Variants in NUP133 observed in about 807,000 individuals in gnomAD.
NUP133 encodes nucleoporin 133.
NUP133 carries 66 observed loss-of-function variants against 146.2 expected under a neutral mutation model. The observed-to-expected ratio is 0.45, with a 90% confidence interval of 0.37 to 0.55. NUP133 has a LOEUF of 0.55. NUP133 is among the 20% of genes least tolerant of loss of function. The pLI, the probability that NUP133 is intolerant of heterozygous loss-of-function variation, is 0.00. For missense variants in NUP133, 1,277 were observed against 1,374.8 expected (o/e 0.93, Z 1.12); for synonymous variants, 521 against 498.8 (o/e 1.04, Z -0.59).
chr1:229,466,177 C>A (rs1160211335), intron 16 of NUP133, among the ~76,000 whole-genome samples: 17 of 152,042 alleles, frequency 1.1e-4, no homozygotes, highest in Middle Eastern at 6.8e-3. Flanking sequence ...GTTACATTAA[C>A]AATACGTTTG....
At chr1:229,445,370 T>G (rs1238966835) in intron 24 of NUP133, among the ~76,000 whole-genome samples, 5 of 152,212 alleles carry the variant, frequency 3.3e-5, no homozygotes, top group African/African-American at 1.2e-4. Flanking sequence ...ATATTCAGTA[T>G]GGACCCCAAA....
intron 20 of NUP133, among the ~76,000 whole-genome samples, chr1:229,458,889 TTTA>T (rs1406834137): frequency 1.3e-5 from 2 of 152,096 alleles, no homozygotes; most frequent in Non-Finnish European, 2.9e-5. Flanking sequence ...ACTACATATT[TTTA>T]TTGAGATATT....
At chr1:229,478,689 G>A (rs984164547) in intron 12 of NUP133, among the ~76,000 whole-genome samples, 13 of 152,158 alleles carry the variant, frequency 8.5e-5, no homozygotes, top group Non-Finnish European at 1.5e-4. Flanking sequence ...CCCACCAGGG[G>A]ATTAACTATG....
At chr1:229,465,770 G>A (rs1439941018) in intron 16 of NUP133, among the ~76,000 whole-genome samples, 4 of 151,586 alleles carry the variant, frequency 2.6e-5, no homozygotes, top group South Asian at 2.1e-4. Context: ...TGCACCTACC[G>A]TCCCAGCTAC....
At chr1:229,450,169 T>G (rs1485093920) in intron 23 of NUP133, among the ~76,000 whole-genome samples, 1 of 152,076 alleles carries the variant, frequency 6.6e-6, no homozygotes, top group Non-Finnish European at 1.5e-5. Context: ...GTGCTGGGAT[T>G]ACAGGCGTGA....
chr1:229,450,797 C>T (rs1485331091), intron 22 of NUP133, 192 bp from the exon 23 acceptor site: 1 of 285,012 alleles, frequency 3.5e-6, no homozygotes, highest in Non-Finnish European at 6.6e-6. Context: ...ACGATCTCAG[C>T]TCACTGAAAC....
In NUP133 at chr1:229,490,060, G is replaced by C. The variant is rs1661468416; in HGVS notation, c.1089C>G (p.Asp363Glu). The change falls in exon 9 of 26, where the codon GAC (aspartate) becomes GAG (glutamate). Residue 363 changes from aspartate to glutamate, a missense_variant. Transcript: ENST00000261396. ...GAGAGTAATAGATGAGACATGGATT[G>C]TCTGCTGAGTGCCATGCTGCTGCCA... ...VILAAAWHSADNPCLIYYSLI... is the reference protein window; with the variant it reads ...VILAAAWHSAENPCLIYYSLI... The C allele has an allele frequency of 1.2e-6, 2 of 1,607,682 alleles. No homozygotes were observed. Among genetic ancestry groups the C allele is most frequent in the Admixed American group, 1.7e-5 (1 of 59,748 alleles).
At chr1:229,476,036 G>C (rs1029100886) in intron 13 of NUP133, among the ~76,000 whole-genome samples, 1 of 151,900 alleles carries the variant, frequency 6.6e-6, no homozygotes. Context: ...TGAACCCGGG[G>C]AGGTGGAAGT....
At chr1:229,459,303 G>A (rs1251857593) in intron 20 of NUP133, among the ~76,000 whole-genome samples, 1 of 152,126 alleles carries the variant, frequency 6.6e-6, no homozygotes, top group Non-Finnish European at 1.5e-5. Context: ...TGGGTGGATT[G>A]CTTGAGCCCA....
intron 12 of NUP133, among the ~76,000 whole-genome samples, chr1:229,483,403 A>AAT (rs1661264629): frequency 6.6e-6 from 1 of 152,108 alleles, no homozygotes; most frequent in Non-Finnish European, 1.5e-5. Context: ...ACCAGGCCAT[A>AAT]ATTCTTTAAT....
At chr1:229,471,369 G>A (rs960535801) in intron 14 of NUP133, among the ~76,000 whole-genome samples, 4 of 152,026 alleles carry the variant, frequency 2.6e-5, no homozygotes, top group Non-Finnish European at 4.4e-5. Flanking sequence ...CTACTGACTC[G>A]GCCTCTCAAA....
chr1:229,493,094 T>C (rs1661564469), intron 8 of NUP133, among the ~76,000 whole-genome samples: 2 of 152,040 alleles, frequency 1.3e-5, no homozygotes, highest in African/African-American at 4.8e-5. Flanking sequence ...AAGTTAAGGT[T>C]AAAAAAAATT....
chr1:229,441,938 G>A lies in NUP133; in HGVS notation c.3437C>T (p.Ala1146Val), dbSNP rs765274907. Residue 1146 changes from alanine (A) to valine (V), a missense_variant, in exon 26 of 26, where the codon GCA becomes GTA. Ala to Val is a moderately conservative substitution (Grantham distance 64). Transcript: ENST00000261396. The part of the protein sequence containing the change: ...SNPYFEFVLK[A>V]NYEYYVQGQI ...TCCCTGAACATAATATTCATAATTT[G>A]CTTTCAAAACAAACTCGAAGTAAGG... 2 of 1,579,422 alleles carry A rather than the reference G, an allele frequency of 1.3e-6. No individual in the cohort carries two copies. The highest frequency in any genetic ancestry group is 1.7e-6 in the Non-Finnish European group (2 of 1,170,338).
chr1:229,473,055 C>G (rs576968470), intron 14 of NUP133, among the ~76,000 whole-genome samples: 13 of 152,058 alleles, frequency 8.5e-5, no homozygotes, highest in African/African-American at 2.9e-4. Context: ...AATTTGAGAC[C>G]AGCCTGGGCA....
In NUP133 at chr1:229,495,756, C is replaced by T. The variant is rs1002212501; in HGVS notation, c.975+136G>A. The stretch of plus-strand genomic sequence containing the variant: ...TTTCTGGAGATTGACTAACCCATTT[C>T]CACTTAATCTGATAACCATACACTA... On this transcript the variant is annotated intron_variant, in intron 7 of 25. Coordinates refer to ENST00000261396, the MANE Select transcript of NUP133 (RefSeq NM_018230.3). 7 of 934,042 alleles carry T rather than the reference C, an allele frequency of 7.5e-6. No homozygotes were observed. The South Asian group carries it at 1.2e-4, about 16-fold the overall frequency. The allele number at this position is 934,042 out of a possible 1,614,324, so 57.9% of individuals were successfully genotyped here.
chr1:229,500,919 T>C, intron 3 of NUP133, 56 bp from the exon 4 acceptor site: 1 of 1,047,726 alleles, frequency 9.5e-7, no homozygotes, highest in East Asian at 2.6e-5. Flanking sequence ...ATTTTGAAGA[T>C]GCATCTGATT....
intron 15 of NUP133, among the ~76,000 whole-genome samples, chr1:229,467,344 T>C (rs534400651): frequency 9.2e-5 from 14 of 152,154 alleles, no homozygotes; most frequent in African/African-American, 3.4e-4. Context: ...ACTTAAGCTT[T>C]CCCCCCATTA....
At chr1:229,444,474 A>G (rs4338396) in intron 25 of NUP133, among the ~76,000 whole-genome samples, 31,467 of 152,206 alleles carry the variant, frequency 0.21, 3,601 homozygotes, top group African/African-American at 0.29. Context: ...TAGATACTTA[A>G]TTAGACACAA....
At chr1:229,458,711 AT>A (rs11444377) in intron 20 of NUP133, among the ~76,000 whole-genome samples, 6,596 of 132,986 alleles carry the variant, frequency 0.05, 266 homozygotes, top group African/African-American at 0.14. Flanking sequence ...GATGGACTAC[AT>A]TTTTTTTTTT....
Sources: allele counts gnomAD v4.1 joint callset (sites outside exome capture counted in the v4.1 genomes callset), GRCh38; gene constraint gnomAD v4.1.1; transcripts MANE v1.5; gene names NCBI Gene and HGNC (gene_info 2026-07-23, HGNC 2026-07-21).